Variants in RCOR1 observed in about 807,000 individuals in gnomAD.
RCOR1 encodes the protein REST corepressor.
A neutral mutation model predicts 64.0 loss-of-function variants in RCOR1; 12 were observed. The ratio of observed to expected loss-of-function variants is 0.19; its 90% confidence interval spans 0.12 to 0.30. RCOR1 has a LOEUF of 0.30. RCOR1 is among the 10% of genes least tolerant of loss of function. The probability of loss-of-function intolerance (pLI) is 1.00; values close to 1 mark genes in which losing one functional copy is unlikely to be tolerated. For synonymous variants in RCOR1, 279 were observed against 227.2 expected, an observed-to-expected ratio of 1.23 and a Z score of -2.05; for missense variants, 502 against 621.2, an observed-to-expected ratio of 0.81 and a Z score of 2.04.
chr14:102,676,705 A>G (rs1595225094), intron 2 of RCOR1, among the ~76,000 whole-genome samples: 1 of 95,796 alleles, frequency 1.0e-5, no homozygotes, highest in Non-Finnish European at 2.1e-5. Flanking sequence ...TCCCTCCCGG[A>G]CTGGGCGGCT....
At chr14:102,617,573 GAC>G (rs1893786656) in intron 2 of RCOR1, among the ~76,000 whole-genome samples, 1 of 148,678 alleles carries the variant, frequency 6.7e-6, no homozygotes, top group African/African-American at 2.5e-5. Flanking sequence ...GGGCAACGAA[GAC>G]ACTGTCTCTT....
chr14:102,608,446 G>T (rs1186938550), intron 2 of RCOR1, among the ~76,000 whole-genome samples: 3 of 151,638 alleles, frequency 2.0e-5, no homozygotes. Flanking sequence ...CCTTGTTTTT[G>T]TTTTTTGAGA....
chr14:102,646,220 G>A (rs1026505464), intron 2 of RCOR1, among the ~76,000 whole-genome samples: 1 of 152,110 alleles, frequency 6.6e-6, no homozygotes, highest in Non-Finnish European at 1.5e-5. Flanking sequence ...CACCTTGCAG[G>A]GGAGTCTTGC....
chr14:102,685,760 G>C (rs1176192616), intron 3 of RCOR1, among the ~76,000 whole-genome samples: 1 of 150,650 alleles, frequency 6.6e-6, no homozygotes, highest in Non-Finnish European at 1.5e-5. Context: ...TCAAGAGTTT[G>C]AGACCAGTCT....
At position 102,699,290 on chromosome 14, in the gene RCOR1, G is replaced by C. The variant is rs377401734; in HGVS notation, c.446-1988G>C. On this transcript the variant is annotated intron_variant, in intron 3 of 11. Transcript: ENST00000262241. ...GTAAATTGAAATTTTACTGTAATCT[G>C]AGTGAAGTAACCAGTTTGTAACTAT... Among the ~76,000 whole-genome samples the C allele has an allele frequency of 2.0e-5, 3 of 152,200 alleles. No individual in the cohort carries two copies. The South Asian group carries it at 6.2e-4, about 31-fold the overall frequency.
chr14:102,694,120 A>G lies in RCOR1; in HGVS notation c.446-7158A>G, dbSNP rs535998986. ...CTTGAAAAATGCACTTTTCATTTTC[A>G]TCACTGCCCTACCAGCAACTACTGG... is the stretch of plus-strand genomic sequence containing the variant. On this transcript the variant is annotated intron_variant, in intron 3 of 11. Transcript: ENST00000262241. 9.8e-5 allele frequency among the ~76,000 whole-genome samples: 15 copies of G among 152,306 alleles called. No homozygotes were observed. In the East Asian group the frequency reaches 2.1e-3, roughly 22 times the overall value.
At chr14:102,660,989 G>A (rs1257365511) in intron 2 of RCOR1, among the ~76,000 whole-genome samples, 1 of 152,158 alleles carries the variant, frequency 6.6e-6, no homozygotes, top group Non-Finnish European at 1.5e-5. Flanking sequence ...ATAAAGCACT[G>A]TAAAGAGAGA....
At chr14:102,709,232 T>C (rs1049185330) in intron 6 of RCOR1, among the ~76,000 whole-genome samples, 6 of 152,172 alleles carry the variant, frequency 3.9e-5, no homozygotes, top group Non-Finnish European at 7.3e-5. Context: ...TTTTTTAAAA[T>C]GTGTAAAATT....
chr14:102,630,975 T>G (rs1894099760), intron 2 of RCOR1, among the ~76,000 whole-genome samples: 1 of 151,912 alleles, frequency 6.6e-6, no homozygotes, highest in African/African-American at 2.4e-5. Context: ...CCTTTTCCAG[T>G]GAGGTCTGCA....
At chr14:102,601,894 C>T (rs1239810559) in intron 2 of RCOR1, among the ~76,000 whole-genome samples, 1 of 152,106 alleles carries the variant, frequency 6.6e-6, no homozygotes, top group Non-Finnish European at 1.5e-5. Flanking sequence ...TACTTAAATA[C>T]ATGTGTGTAA....
At chr14:102,594,488 A>G (rs562938720) in intron 2 of RCOR1, among the ~76,000 whole-genome samples, 13 of 152,330 alleles carry the variant, frequency 8.5e-5, no homozygotes, top group Admixed American at 5.2e-4. Context: ...GTGAAAATAC[A>G]TAGAGGTCCT....
intron 2 of RCOR1, among the ~76,000 whole-genome samples, chr14:102,615,835 G>C (rs1339120536): frequency 1.3e-5 from 2 of 152,128 alleles, no homozygotes; most frequent in African/African-American, 4.8e-5. Flanking sequence ...TACAAACTTG[G>C]GTTTCTACCA....
intron 2 of RCOR1, among the ~76,000 whole-genome samples, chr14:102,598,364 A>G (rs1322251634): frequency 6.6e-6 from 1 of 152,190 alleles, no homozygotes; most frequent in African/African-American, 2.4e-5. Context: ...TATGCAGTTC[A>G]AAGGAAGATT....
chr14:102,697,272 G>A (rs891674234), intron 3 of RCOR1, among the ~76,000 whole-genome samples: 10 of 152,308 alleles, frequency 6.6e-5, no homozygotes, highest in East Asian at 3.9e-4. Context: ...GAAGGTCAGG[G>A]CGTTGCTAAA....
intron 3 of RCOR1, among the ~76,000 whole-genome samples, chr14:102,697,289 A>G (rs1219422982): frequency 2.0e-5 from 3 of 152,242 alleles, no homozygotes; most frequent in South Asian, 4.1e-4. Context: ...TAAAGATAAC[A>G]TAGTCATACA....
intron 2 of RCOR1, chr14:102,649,683 TG>T (rs531162481): frequency 4.1e-6 from 2 of 482,726 alleles, no homozygotes; most frequent in Non-Finnish European, 5.4e-6. Context: ...AGCAGTTCTG[TG>T]GGGTAATTCT....
intron 4 of RCOR1, among the ~76,000 whole-genome samples, chr14:102,702,592 G>T (rs1235485464): frequency 6.6e-6 from 1 of 152,044 alleles, no homozygotes; most frequent in Non-Finnish European, 1.5e-5. Context: ...TACTTGAAGA[G>T]CACAGATCCT....
At chr14:102,711,865 T>G (rs1423208945) in intron 7 of RCOR1, among the ~76,000 whole-genome samples, 1 of 152,114 alleles carries the variant, frequency 6.6e-6, no homozygotes, top group Non-Finnish European at 1.5e-5. Flanking sequence ...CTGTCAACCT[T>G]TTGGTGACTT....
chr14:102,692,774 T>A (rs369480621), intron 3 of RCOR1, among the ~76,000 whole-genome samples: 2 of 127,906 alleles, frequency 1.6e-5, no homozygotes, highest in East Asian at 2.3e-4. Context: ...TTTTCTTTTT[T>A]TTTTTTTTTT....
Sources: gnomAD v4.1 joint callset for allele counts (sites outside exome capture counted in the v4.1 genomes callset) on GRCh38, gnomAD v4.1.1 for gene constraint, MANE v1.5 for transcripts, NCBI Gene and HGNC (gene_info 2026-07-23, HGNC 2026-07-21) for gene names.